DOCK3: variants seen among roughly 807,000 people sequenced by gnomAD.
The protein encoded by DOCK3 is dedicator of cytokinesis protein 3.
In DOCK3, 60 loss-of-function variants were observed where a neutral mutation model predicts 265.6. The ratio of observed to expected loss-of-function variants is 0.23; its 90% CI spans 0.18 to 0.28. The LOEUF is 0.28. Ranked by LOEUF, DOCK3 falls within the 10% of genes least tolerant of loss-of-function variation. The pLI is 1.00. For missense variants in DOCK3, 1,981 were observed against 2,594.3 expected, an observed-to-expected ratio of 0.76 and a Z score of 5.14; for synonymous variants, 881 against 938.0, an observed-to-expected ratio of 0.94 and a Z score of 1.11.
intron 14 of DOCK3, among the ~76,000 whole-genome samples, chr3:51,220,409 C>A (rs1025111386): frequency 1.6e-4 from 25 of 151,966 alleles, no homozygotes; most frequent in African/African-American, 6.0e-4. Context: ...GTAATCCCAG[C>A]ACTTTGGGAG....
intron 5 of DOCK3, among the ~76,000 whole-genome samples, chr3:51,042,888 G>T (rs959621773): frequency 2.0e-5 from 3 of 152,032 alleles, no homozygotes; most frequent in Admixed American, 6.6e-5. Flanking sequence ...GCTAATCAGG[G>T]AGGTTGAAAG....
In DOCK3 at chr3:50,974,644, A is replaced by C. The variant is rs1182335600; in HGVS notation, c.315+40567A>C. Among the ~76,000 whole-genome samples the C allele has an allele frequency of 1.1e-4, 13 of 122,806 alleles. 1 individual carries two copies. Among genetic ancestry groups the C allele is most frequent in the African/African-American group, 3.2e-4 (11 of 33,976 alleles). 80.6% of individuals were successfully genotyped at this position (122,806 alleles called of 152,430 possible). ...GCGGGCTCTTTTTTGGTTCCATATG[A>C]ACTTTAAAGTAGTTTTTTCCAATTC... On this transcript the variant is annotated intron_variant, in intron 5 of 52. Coordinates refer to ENST00000266037, the MANE Select transcript of DOCK3 (RefSeq NM_004947.5).
At chr3:50,939,218 C>G (rs2051562784) in intron 5 of DOCK3, among the ~76,000 whole-genome samples, 1 of 151,740 alleles carries the variant, frequency 6.6e-6, no homozygotes, top group Non-Finnish European at 1.5e-5. Flanking sequence ...CAAAACTCAC[C>G]CAAGACAAAA....
At chr3:50,870,582 T>C (rs929167007) in intron 3 of DOCK3, among the ~76,000 whole-genome samples, 2 of 152,178 alleles carry the variant, frequency 1.3e-5, no homozygotes, top group African/African-American at 4.8e-5. Context: ...TATCTTTTGA[T>C]TGGAGAGTTT....
intron 38 of DOCK3, among the ~76,000 whole-genome samples, chr3:51,345,512 C>T (rs1207551199): frequency 3.9e-5 from 6 of 152,144 alleles, no homozygotes; most frequent in African/African-American, 1.4e-4. Flanking sequence ...GTCCTAGCTA[C>T]TCGGGAGGTT....
At chr3:51,150,324 GTC>G (rs1379561817) in intron 10 of DOCK3, among the ~76,000 whole-genome samples, 1 of 151,940 alleles carries the variant, frequency 6.6e-6, no homozygotes, top group Non-Finnish European at 1.5e-5. Flanking sequence ...GGTTTTTTGT[GTC>G]TCTGTCTCTT....
At chr3:50,735,131 T>C (rs942068704) in intron 1 of DOCK3, among the ~76,000 whole-genome samples, 2 of 152,132 alleles carry the variant, frequency 1.3e-5, no homozygotes, top group African/African-American at 4.8e-5. Flanking sequence ...TTGATTATAG[T>C]ATTCCATTTT....
chr3:51,034,478 A>G (rs555470904), intron 5 of DOCK3, among the ~76,000 whole-genome samples: 2 of 152,222 alleles, frequency 1.3e-5, no homozygotes, highest in South Asian at 4.1e-4. Context: ...GTTCCACTTC[A>G]CATGAAATGT....
chr3:50,799,166 C>G (rs950976318), intron 2 of DOCK3, among the ~76,000 whole-genome samples: 19 of 152,114 alleles, frequency 1.2e-4, no homozygotes, highest in African/African-American at 4.6e-4. Context: ...GAGCTTTGCT[C>G]TTTTTGCCCA....
chr3:50,856,452 T>C (rs574504592), intron 3 of DOCK3, among the ~76,000 whole-genome samples: 1 of 152,332 alleles, frequency 6.6e-6, no homozygotes, highest in East Asian at 1.9e-4. Flanking sequence ...TGGGCTTTTT[T>C]TTTTCATATG....
chr3:51,139,871 C>T (rs2084969067), intron 9 of DOCK3, among the ~76,000 whole-genome samples: 1 of 152,142 alleles, frequency 6.6e-6, no homozygotes, highest in South Asian at 2.1e-4. Context: ...CACAAAGGTC[C>T]TAAGGCAAGA....
chr3:51,064,527 G>A lies in DOCK3; in HGVS notation c.395G>A (p.Gly132Asp), dbSNP rs200478148. ...LIDLRRQLLSGHLTQDQVREV... is the reference protein window; with the variant it reads ...LIDLRRQLLSDHLTQDQVREV... Reference sequence around the variant, plus strand: ...GACCTGCGAAGGCAGCTACTGTCTGGTCACCTGACTCAGGATCAGGTGCGG... The same window carrying A: ...GACCTGCGAAGGCAGCTACTGTCTGATCACCTGACTCAGGATCAGGTGCGG... The change falls in exon 6 of 53, where the codon GGT becomes GAT. Residue 132 changes from glycine to aspartate, a missense_variant. Physicochemically the swap from Gly to Asp is moderately conservative, Grantham distance 94. This residue lies in a region of DOCK3 where 456 missense variants were observed against 539.0 expected (regional missense o/e 0.85). Transcript: ENST00000266037. 12 of 1,613,834 alleles carry A rather than the reference G, an allele frequency of 7.4e-6. 1 individual carries two copies. The highest frequency in any genetic ancestry group is 6.7e-5 in the Admixed American group (4 of 59,984).
At chr3:51,294,512 A>G (rs1193922929) in intron 27 of DOCK3, among the ~76,000 whole-genome samples, 2 of 152,086 alleles carry the variant, frequency 1.3e-5, no homozygotes, top group African/African-American at 4.8e-5. Flanking sequence ...CCCAGTATCT[A>G]CTAAAAATAC....
chr3:51,104,942 C>T (rs768297685), intron 9 of DOCK3, among the ~76,000 whole-genome samples: 14 of 152,158 alleles, frequency 9.2e-5, no homozygotes, highest in Admixed American at 5.9e-4. Flanking sequence ...TGTACACCAC[C>T]GCACCTAGCT....
At chr3:50,785,554 C>T (rs913449519) in intron 2 of DOCK3, among the ~76,000 whole-genome samples, 1 of 152,126 alleles carries the variant, frequency 6.6e-6, no homozygotes, top group Non-Finnish European at 1.5e-5. Context: ...CCTTTTTATG[C>T]ATCTATTGAG....
Position 51,225,666 on chromosome 3 carries a change from C to G in DOCK3, c.1270C>G (p.Leu424Val). The G allele has an allele frequency of 1.2e-6, 2 of 1,612,990 alleles. No homozygotes were observed. The highest frequency in any genetic ancestry group is 1.7e-6 in the Non-Finnish European group (2 of 1,179,394). The change falls in exon 15 of 53, where the codon CTG (leucine) becomes GTG (valine). Residue 424 changes from leucine (L) to valine (V), a missense_variant. Transcript: ENST00000266037. The part of the protein sequence containing the change: ...VIMPGDIRND[L>V]YLTLEKGDFE... ...CCCCGCAGGTGATATCCGCAATGAC[C>G]TGTACCTAACCCTGGAGAAGGGGGA... is the stretch of plus-strand genomic sequence containing the variant.
chr3:51,009,526 T>G (rs2078851923), intron 5 of DOCK3, among the ~76,000 whole-genome samples: 1 of 152,162 alleles, frequency 6.6e-6, no homozygotes, highest in Non-Finnish European at 1.5e-5. Context: ...TTATTATTCT[T>G]GCTAGCAGTC....
intron 7 of DOCK3, among the ~76,000 whole-genome samples, chr3:51,084,619 A>G (rs554902884): frequency 6.6e-6 from 1 of 152,348 alleles, no homozygotes; most frequent in Admixed American, 6.5e-5. Context: ...TCTGGAAGCG[A>G]AAGGACAATG....
At chr3:50,719,268 C>CTTTTTTTTTTTTTTTTTTTTTTTTTTT (rs71084106) in intron 1 of DOCK3, among the ~76,000 whole-genome samples, 1 of 138,672 alleles carries the variant, frequency 7.2e-6, no homozygotes, top group Non-Finnish European at 1.6e-5. Flanking sequence ...TAGATATTTT[C>CTTTTTTTTTTTTTTTTTTTTTTTTTTT]TTTTTTTTTT....
Sources: gnomAD v4.1 joint callset for allele counts (sites outside exome capture counted in the v4.1 genomes callset) on GRCh38, gnomAD v4.1.1 for gene constraint, gnomAD v4.1.1 regional missense constraint, MANE v1.5 for transcripts, NCBI Gene and HGNC (gene_info 2026-07-23, HGNC 2026-07-21) for gene names.